CAST: variants seen among roughly 807,000 people sequenced by gnomAD.
CAST encodes the protein MIR583 host.
CAST carries 76 observed loss-of-function variants against 119.6 expected under a neutral mutation model. The ratio of observed to expected loss-of-function variants is 0.64; its 90% CI spans 0.53 to 0.77. The LOEUF is 0.77. Ranked by LOEUF, CAST falls within the 30% of genes least tolerant of loss-of-function variation. The probability of loss-of-function intolerance (pLI) is 0.00; values close to 1 mark genes in which losing one functional copy is unlikely to be tolerated. For synonymous variants in CAST, 319 were observed against 331.6 expected, an observed-to-expected ratio of 0.96 and a Z score of 0.41; for missense variants, 953 against 946.5, an observed-to-expected ratio of 1.01 and a Z score of -0.09.
the CAST span, among the ~76,000 whole-genome samples, chr5:96,069,231 A>C: frequency 3.3e-5 from 5 of 152,084 alleles, no homozygotes; most frequent in East Asian, 9.7e-4. Flanking sequence ...ATATGTGTGT[A>C]TGTATATAAA....
the CAST span, among the ~76,000 whole-genome samples, chr5:96,070,516 C>T: frequency 4.6e-5 from 7 of 152,066 alleles, no homozygotes; most frequent in Non-Finnish European, 5.9e-5. Flanking sequence ...AACATGCCTA[C>T]GTTAGTGAGT....
the CAST span, chr5:96,392,379 C>A: frequency 6.5e-6 from 1 of 152,978 alleles, no homozygotes; most frequent in Admixed American, 6.5e-5. Context: ...TCGAAAATTG[C>A]TCAAACCAGA....
the CAST span, among the ~76,000 whole-genome samples, chr5:96,331,004 T>C: frequency 7.8e-3 from 1,189 of 152,242 alleles, 11 homozygotes; most frequent in Middle Eastern, 0.017. Flanking sequence ...AATAAAATAC[T>C]AGATCAGGAA....
the CAST span, among the ~76,000 whole-genome samples, chr5:96,133,772 A>G: frequency 6.6e-6 from 1 of 152,216 alleles, no homozygotes; most frequent in Non-Finnish European, 1.5e-5. Context: ...ACAAAGACTG[A>G]TGTACAAAAT....
chr5:96,612,457 G>C (rs551790067), intron 1 of CAST, among the ~76,000 whole-genome samples: 2 of 152,258 alleles, frequency 1.3e-5, no homozygotes, highest in African/African-American at 4.8e-5. Context: ...AGCAAGAGTT[G>C]AAAAACTACT....
the CAST span, among the ~76,000 whole-genome samples, chr5:96,382,763 G>T: frequency 1.3e-5 from 2 of 152,142 alleles, no homozygotes; most frequent in South Asian, 4.1e-4. Flanking sequence ...TTTTACAGAT[G>T]AAGAAACTGA....
the CAST span, among the ~76,000 whole-genome samples, chr5:96,435,907 C>T: frequency 2.6e-5 from 4 of 152,110 alleles, no homozygotes; most frequent in Non-Finnish European, 4.4e-5. Flanking sequence ...TTTGTTACTA[C>T]GAAATAAAAC....
the CAST span, among the ~76,000 whole-genome samples, chr5:96,316,785 G>T: frequency 6.6e-6 from 1 of 152,204 alleles, no homozygotes; most frequent in Non-Finnish European, 1.5e-5. Flanking sequence ...TGAGAGGAAA[G>T]ATGAAATAAG....
In CAST at chr5:96,561,796, G is replaced by GTTTTTTTTTTTTTTTTTTTTTT. The variant is rs11375615; in HGVS notation, c.60+31930_60+31931insTTTTTTTTTTTTTTTTTTTTTT. ...GTGTATTATATATATGTTTTTTTTTGTTTTTTTTTTTTTTGAGACGGAGTC... is the reference window on the plus strand; with the variant it reads ...GTGTATTATATATATGTTTTTTTTTGTTTTTTTTTTTTTTTTTTTTTTTTTTTTTTTTTTTTGAGACGGAGTC... On this transcript the variant is annotated intron_variant, in intron 1 of 11. Transcript: ENST00000505143. 3.6e-4 allele frequency among the ~76,000 whole-genome samples: 35 copies of GTTTTTTTTTTTTTTTTTTTTTT among 97,392 alleles called. 2 individuals carry two copies. Among genetic ancestry groups the GTTTTTTTTTTTTTTTTTTTTTT allele is most frequent in the African/African-American group, 6.1e-4 (16 of 26,026 alleles). The allele number at this position is 97,392 out of a possible 152,430, so 63.9% of individuals were successfully genotyped here. A position where few individuals can be genotyped will look rare whatever the true frequency, so the allele number is the denominator to read the frequency against.
chr5:96,534,777 G>A (rs1306910506), intron 1 of CAST, among the ~76,000 whole-genome samples: 1 of 115,814 alleles, frequency 8.6e-6, no homozygotes, highest in Non-Finnish European at 1.8e-5. Context: ...AAGAAAGAAA[G>A]AAAGAAAGAA....
At chr5:96,639,230 T>C (rs1191585988) in intron 1 of CAST, among the ~76,000 whole-genome samples, 2 of 152,192 alleles carry the variant, frequency 1.3e-5, no homozygotes, top group Admixed American at 1.3e-4. Flanking sequence ...GTGACCAATG[T>C]ACAGTAGATA....
At chr5:96,366,400 C>T in the CAST span, among the ~76,000 whole-genome samples, 1 of 152,204 alleles carries the variant, frequency 6.6e-6, no homozygotes, top group Non-Finnish European at 1.5e-5. Context: ...GGAAGTTCTC[C>T]TGGATAATAT....
At chr5:96,235,841 C>A in the CAST span, among the ~76,000 whole-genome samples, 5 of 152,078 alleles carry the variant, frequency 3.3e-5, no homozygotes, top group Non-Finnish European at 7.4e-5. Flanking sequence ...TTTTCCACAC[C>A]CGCTTCCAGT....
chr5:96,093,709 G>A, the CAST span, among the ~76,000 whole-genome samples: 1 of 152,206 alleles, frequency 6.6e-6, no homozygotes, highest in Non-Finnish European at 1.5e-5. Context: ...AACTACTTAT[G>A]AGGCCCATGG....
chr5:96,359,325 C>T, the CAST span, among the ~76,000 whole-genome samples: 1 of 152,094 alleles, frequency 6.6e-6, no homozygotes, highest in Non-Finnish European at 1.5e-5. Context: ...ACATTTAGCC[C>T]ATTTACATTT....
chr5:96,744,571 A>G (rs1246499725), intron 16 of CAST, among the ~76,000 whole-genome samples: 1 of 152,250 alleles, frequency 6.6e-6, no homozygotes, highest in Admixed American at 6.5e-5. Context: ...GGGTGGGGAC[A>G]CAGCCAAAGC....
At chr5:96,115,602 C>T in the CAST span, among the ~76,000 whole-genome samples, 3 of 152,220 alleles carry the variant, frequency 2.0e-5, no homozygotes, top group African/African-American at 7.2e-5. Flanking sequence ...TTCAAGGCAG[C>T]AGACACTCAC....
chr5:96,215,746 C>A, the CAST span, among the ~76,000 whole-genome samples: 1 of 152,050 alleles, frequency 6.6e-6, no homozygotes. Context: ...AGGATGAAGA[C>A]GTTTATGATG....
the CAST span, among the ~76,000 whole-genome samples, chr5:96,208,604 A>C: frequency 6.6e-6 from 1 of 151,988 alleles, no homozygotes; most frequent in South Asian, 2.1e-4. Context: ...ATTCCAGAGA[A>C]GACTGTTTAA....
Sources: allele counts gnomAD v4.1 joint callset (sites outside exome capture counted in the v4.1 genomes callset), GRCh38; gene constraint gnomAD v4.1.1; transcripts MANE v1.5; gene names NCBI Gene and HGNC (gene_info 2026-07-23, HGNC 2026-07-21).